The following CCDC180 variants were observed in gnomAD, a reference collection of about 807,000 sequenced individuals.
CCDC180 encodes coiled-coil domain containing 180, also known as coiled-coil domain-containing protein 180.
A neutral mutation model predicts 209.2 loss-of-function variants in CCDC180; 154 were observed. The ratio of observed to expected loss-of-function variants is 0.74; its 90% CI spans 0.65 to 0.84. The LOEUF is 0.84. CCDC180 is among the 40% of genes least tolerant of loss of function. The pLI is 0.00. For missense variants in CCDC180, 1,874 were observed against 1,997.3 expected (o/e 0.94, Z 1.18); for synonymous variants, 778 against 749.1 (o/e 1.04, Z -0.63).
chr9:97,315,220 T>C (rs1833126918), intron 8 of CCDC180, among the ~76,000 whole-genome samples: 1 of 152,192 alleles, frequency 6.6e-6, no homozygotes, highest in African/African-American at 2.4e-5. Flanking sequence ...GGCTATCGTC[T>C]GGAGCGCTGA....
intron 18 of CCDC180, among the ~76,000 whole-genome samples, chr9:97,335,409 A>G (rs968697399): frequency 1.3e-5 from 2 of 151,948 alleles, no homozygotes; most frequent in African/African-American, 2.4e-5. Flanking sequence ...ATTCCCACCT[A>G]TGAGTGAGAA....
intron 35 of CCDC180, among the ~76,000 whole-genome samples, chr9:97,375,224 TC>T (rs201931169): frequency 2.0e-5 from 3 of 150,334 alleles, no homozygotes; most frequent in East Asian, 1.9e-4. Context: ...GCACTCCCCT[TC>T]CCCCCCCAGA....
chr9:97,361,673 G>A (rs1826755982), intron 26 of CCDC180, 53 bp from the exon 27 acceptor site: 11 of 1,578,092 alleles, frequency 7.0e-6, no homozygotes, highest in East Asian at 4.5e-5. Flanking sequence ...CTGCTGCCTC[G>A]CTGGCACCTG....
intron 22 of CCDC180, among the ~76,000 whole-genome samples, chr9:97,350,820 C>G (rs1826402252): frequency 1.3e-5 from 2 of 152,296 alleles, no homozygotes; most frequent in South Asian, 2.1e-4. Flanking sequence ...TCCTCCTTCC[C>G]CATGGCCCCT....
At position 97,317,187 on chromosome 9, in the gene CCDC180, C is replaced by T. The variant is rs1833204907; in HGVS notation, c.918C>T (p.Thr306=). 1 of 1,609,758 alleles carries T rather than the reference C, an allele frequency of 6.2e-7. No individual in the cohort carries two copies. Among genetic ancestry groups the T allele is most frequent in the South Asian group, 1.1e-5 (1 of 90,906 alleles). ...SRHRWQGLVD[T]WKALKKEALL... is the part of the protein sequence containing the mutation. ...ACCGCTGGCAAGGCTTGGTGGACAC[C>T]TGGAAGGCTCTCAAGAAGGAGGCCC... The change falls in exon 9 of 37, where the codon ACC becomes ACT. Residue 306 remains threonine, a synonymous_variant. Coordinates refer to ENST00000529487, the MANE Select transcript of CCDC180 (RefSeq NM_020893.6).
chr9:97,330,147 C>T lies in CCDC180; in HGVS notation c.1789-7C>T, dbSNP rs1453155428. The stretch of plus-strand genomic sequence containing the variant: ...GTCCTTCAGTGACTCTTGGTTTTTC[C>T]TTGTAGAACTTGGCTGGAGAAGTCA... On this transcript the variant is annotated splice_region_variant and splice_polypyrimidine_tract_variant and intron_variant, in intron 16 of 36. Transcript: ENST00000529487. 1 of 1,611,522 alleles carries T rather than the reference C, an allele frequency of 6.2e-7. No homozygotes were observed. Among genetic ancestry groups the T allele is most frequent in the East Asian group, 2.2e-5 (1 of 44,822 alleles).
Position 97,357,841 on chromosome 9 carries a change from T to G in CCDC180, c.3363+116T>G, listed in dbSNP as rs560746092. The G allele has an allele frequency of 9.2e-6, 7 of 758,456 alleles. No individual in the cohort carries two copies. The African/African-American group carries it at 1.3e-4, about 14-fold the overall frequency. The allele number at this position is 758,456 out of a possible 1,614,324, so 47.0% of individuals were successfully genotyped here. A position where few individuals can be genotyped will look rare whatever the true frequency, so the allele number is the denominator to read the frequency against. ...TTTCTCCAGCACAAGGTTGGCGGGG[T>G]GGGGGGACATCTCTGAGCCTTCCTA... is the stretch of plus-strand genomic sequence containing the variant. On this transcript the variant is annotated intron_variant, in intron 25 of 36. Transcript: ENST00000529487.
intron 8 of CCDC180, 134 bp downstream of exon 8, chr9:97,315,080 G>C: frequency 1.6e-6 from 1 of 641,416 alleles, no homozygotes; most frequent in South Asian, 2.0e-5. Flanking sequence ...AAGGGGCTCA[G>C]GTGGGCCTCT....
chr9:97,314,143 G>A (rs1185351291), intron 5 of CCDC180, among the ~76,000 whole-genome samples: 5 of 152,216 alleles, frequency 3.3e-5, no homozygotes, highest in Admixed American at 6.5e-5. Flanking sequence ...AGGGCCAACC[G>A]TAGGCTAGGC....
intron 9 of CCDC180, 123 bp from the exon 10 acceptor site, chr9:97,318,340 G>T: frequency 8.4e-7 from 1 of 1,186,992 alleles, no homozygotes; most frequent in South Asian, 1.5e-5. Flanking sequence ...GGAAGGGGCT[G>T]GGGGTGGTGT....
intron 12 of CCDC180, 95 bp from the exon 13 acceptor site, chr9:97,323,686 T>A (rs1199687217): frequency 7.2e-7 from 1 of 1,396,244 alleles, no homozygotes; most frequent in African/African-American, 1.5e-5. Flanking sequence ...GGAGCTCAGG[T>A]CTGACTTGTG....
chr9:97,339,118 C>A (rs894576250), intron 18 of CCDC180, among the ~76,000 whole-genome samples: 1 of 152,118 alleles, frequency 6.6e-6, no homozygotes, highest in Non-Finnish European at 1.5e-5. Context: ...ATTCAATTTG[C>A]CAGTCTGTGT....
At chr9:97,339,200 T>G (rs1258487161) in intron 18 of CCDC180, among the ~76,000 whole-genome samples, 3 of 152,058 alleles carry the variant, frequency 2.0e-5, no homozygotes, top group Non-Finnish European at 4.4e-5. Context: ...ATCCTGTCAT[T>G]ATGATGTTAG....
At position 97,354,936 on chromosome 9, in the gene CCDC180, G is replaced by A; in HGVS notation, c.3192G>A (p.Leu1064=). 6.2e-7 allele frequency: 1 copy of A among 1,614,188 alleles called. No homozygotes were observed. The highest frequency in any genetic ancestry group is 8.5e-7 in the Non-Finnish European group (1 of 1,180,008). Residue 1064 remains leucine (L), a synonymous_variant, in exon 24 of 37, where the codon CTG becomes CTA. Transcript: ENST00000529487. ...INKFESKFHN[L]SVDLIFIEKI... is the part of the protein sequence containing the mutation. ...AGTTTGAAAGCAAATTCCATAACCT[G>A]TCTGTGGACCTTATTTTCATAGAGA...
At position 97,325,209 on chromosome 9, in the gene CCDC180, G is replaced by A; in HGVS notation, c.1545+17G>A. 2.5e-6 allele frequency: 4 copies of A among 1,571,880 alleles called. No homozygotes were observed. Among genetic ancestry groups the A allele is most frequent in the Non-Finnish European group, 3.5e-6 (4 of 1,157,756 alleles). On this transcript the variant is annotated intron_variant, in intron 14 of 36. Transcript: ENST00000529487. Reference sequence around the variant, plus strand: ...GAGAGCCAGGTGAGACCCACACCCGGGGCTCCATGTTTCACACCACAAACA... The same window carrying A: ...GAGAGCCAGGTGAGACCCACACCCGAGGCTCCATGTTTCACACCACAAACA...
chr9:97,308,856 A>G (rs1360290739), intron 2 of CCDC180, among the ~76,000 whole-genome samples: 2 of 152,220 alleles, frequency 1.3e-5, no homozygotes, highest in Non-Finnish European at 2.9e-5. Context: ...CTCTAAGGCC[A>G]TTCTTAACTC....
At chr9:97,370,168 G>A in intron 32 of CCDC180, 86 bp downstream of exon 32, 1 of 1,432,484 alleles carries the variant, frequency 7.0e-7, no homozygotes, top group Admixed American at 2.3e-5. Context: ...GCAGGGCCAA[G>A]TCCAAGGGAA....
chr9:97,317,989 C>T (rs1833233518), intron 9 of CCDC180, among the ~76,000 whole-genome samples: 1 of 152,184 alleles, frequency 6.6e-6, no homozygotes, highest in East Asian at 1.9e-4. Flanking sequence ...GTTTACTGGG[C>T]ATTTCCCATG....
intron 36 of CCDC180, 187 bp downstream of exon 36, chr9:97,375,776 A>T (rs1827239732): frequency 1.5e-6 from 1 of 683,652 alleles, no homozygotes; most frequent in Non-Finnish European, 2.4e-6. Flanking sequence ...CGAGGACATT[A>T]ATGTGGGTCT....
Sources: gnomAD v4.1 joint callset for allele counts (sites outside exome capture counted in the v4.1 genomes callset) on GRCh38, gnomAD v4.1.1 for gene constraint, MANE v1.5 for transcripts, NCBI Gene and HGNC (gene_info 2026-07-23, HGNC 2026-07-21) for gene names.